PELI2: variants seen among roughly 807,000 people sequenced by gnomAD.
PELI2 encodes pellino E3 ubiquitin protein ligase family member 2.
A neutral mutation model predicts 42.3 loss-of-function variants in PELI2; 23 were observed. The ratio of observed to expected loss-of-function variants is 0.54; its 90% CI spans 0.39 to 0.77. PELI2 has a LOEUF of 0.77. PELI2 is among the 30% of genes least tolerant of loss of function. The probability of loss-of-function intolerance (pLI) is 0.00; values close to 1 mark genes in which losing one functional copy is unlikely to be tolerated. For synonymous variants in PELI2, 245 were observed against 212.2 expected (o/e 1.15, Z -1.34); for missense variants, 463 against 553.2 (o/e 0.84, Z 1.64).
Position 56,296,616 on chromosome 14 carries a change from A to G in PELI2, c.713A>G (p.Asn238Ser), listed in dbSNP as rs138077774. The G allele has an allele frequency of 1.5e-5, 24 of 1,600,132 alleles. No individual in the cohort carries two copies. In the East Asian group the frequency reaches 1.8e-4, roughly 12 times the overall value. ...TTGTTGTAGGTGGAAAGTGAGACCA[A>G]CGTCCTGCAGGACGGCTCCCTCATT... ...QRGKLVESET[N>S]VLQDGSLIDL... The change falls in exon 6 of 6, where the codon AAC becomes AGC. Residue 238 changes from asparagine (N) to serine (S), a missense_variant. By Grantham distance (46) the Asn-to-Ser change is conservative. Transcript: ENST00000267460.
intron 1 of PELI2, among the ~76,000 whole-genome samples, chr14:56,121,981 T>C (rs781548250): frequency 1.3e-5 from 2 of 152,266 alleles, no homozygotes; most frequent in African/African-American, 2.4e-5. Flanking sequence ...TCTGTTTGAC[T>C]CATTGGTGTT....
intron 1 of PELI2, among the ~76,000 whole-genome samples, chr14:56,171,371 G>A (rs1885163158): frequency 6.6e-6 from 1 of 152,188 alleles, no homozygotes; most frequent in Non-Finnish European, 1.5e-5. Flanking sequence ...CATCTAGGGA[G>A]GCCAAGCAGG....
intron 1 of PELI2, among the ~76,000 whole-genome samples, chr14:56,168,762 A>G (rs114865663): frequency 0.093 from 14,173 of 151,966 alleles, 949 homozygotes; most frequent in East Asian, 0.25. Flanking sequence ...CATAGCTACC[A>G]CAGCTGGGAA....
intron 1 of PELI2, chr14:56,144,858 G>A (rs182784760): frequency 5.6e-5 from 24 of 430,222 alleles, no homozygotes; most frequent in Non-Finnish European, 7.1e-5. Context: ...CTTAGTATGG[G>A]GCCTTGTACA....
Position 56,297,406 on chromosome 14 carries a change from T to C in PELI2, c.*240T>C. Reference sequence around the variant, plus strand: ...GCTTGATTAAACCATAATATCTTTGTAATAATTGGATTTAAAATGCTATGC... The same window carrying C: ...GCTTGATTAAACCATAATATCTTTGCAATAATTGGATTTAAAATGCTATGC... On this transcript the variant is annotated 3_prime_UTR_variant, in exon 6 of 6. Transcript: ENST00000267460. The C allele has an allele frequency of 2.5e-6, 1 of 399,322 alleles. No homozygotes were observed. Among genetic ancestry groups the C allele is most frequent in the East Asian group, 3.7e-5 (1 of 27,178 alleles). 24.7% of individuals were successfully genotyped at this position (399,322 alleles called of 1,614,324 possible). A position where few individuals can be genotyped will look rare whatever the true frequency, so the allele number is the denominator to read the frequency against.
At chr14:56,124,731 G>A (rs928928913) in intron 1 of PELI2, among the ~76,000 whole-genome samples, 1 of 152,198 alleles carries the variant, frequency 6.6e-6, no homozygotes, top group Non-Finnish European at 1.5e-5. Flanking sequence ...GGGTCCCCTA[G>A]CCATGTGCCA....
chr14:56,189,842 A>G (rs1310424988), intron 2 of PELI2, among the ~76,000 whole-genome samples: 1 of 152,238 alleles, frequency 6.6e-6, no homozygotes, highest in Middle Eastern at 3.2e-3. Flanking sequence ...TTGTTTTTAA[A>G]TCACAGCAGT....
chr14:56,125,849 G>A (rs562132317), intron 1 of PELI2, among the ~76,000 whole-genome samples: 1 of 152,202 alleles, frequency 6.6e-6, no homozygotes, highest in South Asian at 2.1e-4. Flanking sequence ...CCTTTCTGGT[G>A]CATGTTAGGT....
intron 1 of PELI2, among the ~76,000 whole-genome samples, chr14:56,158,892 A>T (rs1331730060): frequency 6.6e-6 from 1 of 152,220 alleles, no homozygotes; most frequent in Non-Finnish European, 1.5e-5. Context: ...ATTTAATATT[A>T]CCATCTGTCT....
chr14:56,228,326 C>G (rs1228083618), intron 2 of PELI2, among the ~76,000 whole-genome samples: 1 of 152,168 alleles, frequency 6.6e-6, no homozygotes, highest in South Asian at 2.1e-4. Flanking sequence ...CTCTGGGAAC[C>G]TATATGTAGA....
chr14:56,232,941 A>G (rs1041677354), intron 2 of PELI2, among the ~76,000 whole-genome samples: 1 of 152,142 alleles, frequency 6.6e-6, no homozygotes, highest in Non-Finnish European at 1.5e-5. Context: ...TGCAAAAATC[A>G]CAAGCATTCC....
chr14:56,286,786 A>G (rs1889660270), intron 3 of PELI2, among the ~76,000 whole-genome samples: 1 of 152,146 alleles, frequency 6.6e-6, no homozygotes, highest in Non-Finnish European at 1.5e-5. Context: ...AAAAAGCAAC[A>G]TGAGGCTTGT....
chr14:56,271,110 C>T (rs1431735283), intron 2 of PELI2, among the ~76,000 whole-genome samples: 3 of 152,166 alleles, frequency 2.0e-5, no homozygotes, highest in Non-Finnish European at 2.9e-5. Context: ...TTAGTACCTG[C>T]CCATATACGT....
chr14:56,167,013 TCTC>T (rs1048532815), intron 1 of PELI2, among the ~76,000 whole-genome samples: 4 of 152,084 alleles, frequency 2.6e-5, no homozygotes, highest in African/African-American at 9.7e-5. Flanking sequence ...ATGGTCTTGA[TCTC>T]CTGACCTCAT....
chr14:56,141,031 A>G (rs1378976854), intron 1 of PELI2, among the ~76,000 whole-genome samples: 3 of 152,168 alleles, frequency 2.0e-5, no homozygotes, highest in African/African-American at 7.2e-5. Flanking sequence ...TCAGGAGTAT[A>G]AAAATAGTCG....
intron 2 of PELI2, among the ~76,000 whole-genome samples, chr14:56,188,365 G>T (rs958707216): frequency 6.6e-6 from 1 of 152,070 alleles, no homozygotes; most frequent in African/African-American, 2.4e-5. Flanking sequence ...GATAGTTTAT[G>T]TATCAGGTGT....
intron 3 of PELI2, among the ~76,000 whole-genome samples, chr14:56,285,914 C>T (rs1889630328): frequency 1.3e-5 from 2 of 152,146 alleles, no homozygotes; most frequent in South Asian, 2.1e-4. Context: ...ACTCCCTCTG[C>T]CCAGCAGTGA....
At chr14:56,264,131 A>G (rs1888818351) in intron 2 of PELI2, among the ~76,000 whole-genome samples, 1 of 152,194 alleles carries the variant, frequency 6.6e-6, no homozygotes, top group African/African-American at 2.4e-5. Context: ...CAGGGCACAC[A>G]TTCCCAGGTG....
intron 1 of PELI2, among the ~76,000 whole-genome samples, chr14:56,153,444 G>T (rs79429279): frequency 0.13 from 19,771 of 152,058 alleles, 1,464 homozygotes; most frequent in Middle Eastern, 0.17. Context: ...GAGAGAAAAG[G>T]GTTTGACATT....
Sources: gnomAD v4.1 joint callset for allele counts (sites outside exome capture counted in the v4.1 genomes callset) on GRCh38, gnomAD v4.1.1 for gene constraint, MANE v1.5 for transcripts, NCBI Gene and HGNC (gene_info 2026-07-23, HGNC 2026-07-21) for gene names.